Variants in CYRIB observed in about 807,000 individuals in gnomAD.
The protein encoded by CYRIB is CYFIP related Rac1 interactor B, also known as CYFIP-related Rac1 interactor B.
In CYRIB, 8 loss-of-function variants were observed where a neutral mutation model predicts 44.2. The ratio of observed to expected loss-of-function variants is 0.18; its 90% CI spans 0.11 to 0.33. The LOEUF (loss-of-function observed/expected upper bound fraction) is 0.33, where lower values mean the gene tolerates loss of function less well. CYRIB is among the 10% of genes least tolerant of loss of function. The pLI is 1.00. For synonymous variants in CYRIB, 131 were observed against 127.2 expected, an observed-to-expected ratio of 1.03 and a Z score of -0.20; for missense variants, 185 against 382.8, an observed-to-expected ratio of 0.48 and a Z score of 4.31.
chr8:130,007,826 T>C (rs900734114), intron 1 of CYRIB, among the ~76,000 whole-genome samples: 1 of 151,994 alleles, frequency 6.6e-6, no homozygotes, highest in African/African-American at 2.4e-5. Flanking sequence ...ACTTGCTCCA[T>C]GCTCCATAAA....
At chr8:129,931,893 C>T (rs2091518549) in intron 1 of CYRIB, among the ~76,000 whole-genome samples, 2 of 152,038 alleles carry the variant, frequency 1.3e-5, no homozygotes, top group Admixed American at 1.3e-4. Flanking sequence ...TCCCAAATTG[C>T]TGGGATTGCA....
intron 4 of CYRIB, among the ~76,000 whole-genome samples, chr8:129,864,268 T>C (rs990661506): frequency 1.3e-5 from 2 of 152,238 alleles, no homozygotes; most frequent in African/African-American, 2.4e-5. Context: ...CATTACAACA[T>C]GTAACAATCC....
At chr8:129,847,926 C>T (rs2041095430) in intron 10 of CYRIB, among the ~76,000 whole-genome samples, 1 of 152,148 alleles carries the variant, frequency 6.6e-6, no homozygotes, top group Non-Finnish European at 1.5e-5. Flanking sequence ...CTCAGCCTCC[C>T]GAGTAGCTGG....
At chr8:129,841,978 G>C (rs1394172015) in exon 12 of CYRIB, 5 of 600,858 alleles carry the variant, frequency 8.3e-6, no homozygotes, top group Non-Finnish European at 1.5e-5. Flanking sequence ...TTTTGGCACA[G>C]AAAAGAAGTC....
chr8:129,851,165 A>C, intron 8 of CYRIB: 6 of 453,542 alleles, frequency 1.3e-5, no homozygotes, highest in East Asian at 4.3e-5. Flanking sequence ...AACTGCAACA[A>C]TGCAGACAGG....
At chr8:129,921,944 T>C (rs989813678) in intron 1 of CYRIB, among the ~76,000 whole-genome samples, 1 of 152,150 alleles carries the variant, frequency 6.6e-6, no homozygotes, top group African/African-American at 2.4e-5. Flanking sequence ...AAGGCAATGA[T>C]GGATACAGAA....
intron 1 of CYRIB, among the ~76,000 whole-genome samples, chr8:129,978,065 C>G (rs1486355803): frequency 6.6e-6 from 1 of 152,126 alleles, no homozygotes; most frequent in Non-Finnish European, 1.5e-5. Context: ...GTTGTACAGG[C>G]GTGTGCCACC....
intron 1 of CYRIB, among the ~76,000 whole-genome samples, chr8:129,977,053 G>A (rs1169770277): frequency 6.6e-6 from 1 of 152,094 alleles, no homozygotes; most frequent in Non-Finnish European, 1.5e-5. Flanking sequence ...TGTTGGCCAG[G>A]CTGGTCTGGA....
At chr8:129,976,361 G>A (rs988591883) in intron 1 of CYRIB, among the ~76,000 whole-genome samples, 1 of 152,076 alleles carries the variant, frequency 6.6e-6, no homozygotes, top group Admixed American at 6.5e-5. Flanking sequence ...TAATAATAAT[G>A]GATATTCAGA....
At chr8:129,958,261 C>CTGGGCAG (rs141021946) in intron 2 of CYRIB, among the ~76,000 whole-genome samples, 6,191 of 152,270 alleles carry the variant, frequency 0.041, 149 homozygotes, top group Middle Eastern at 0.068. Flanking sequence ...AGCCTTTCCA[C>CTGGGCAG]TGGGCAGTGA....
intron 1 of CYRIB, among the ~76,000 whole-genome samples, chr8:129,924,734 A>G (rs1405768101): frequency 6.6e-6 from 1 of 152,112 alleles, no homozygotes; most frequent in East Asian, 1.9e-4. Flanking sequence ...TGGGAGGCTG[A>G]GACAGAGGAT....
rs555325581 is a variant in CYRIB, at chr8:130,007,604, G to A, written c.-296+8766C>T. ...GTTCGAGACCAGCCTGCCCAACATGGTGAAACCCTGTCGCTACTAAAAATA... is the reference window on the plus strand; with the variant it reads ...GTTCGAGACCAGCCTGCCCAACATGATGAAACCCTGTCGCTACTAAAAATA... On this transcript the variant is annotated intron_variant, in intron 1 of 14. Coordinates refer to the CYRIB transcript ENST00000401979. Among the ~76,000 whole-genome samples, 32 of 152,116 alleles carry A rather than the reference G, an allele frequency of 2.1e-4. No individual in the cohort carries two copies. In the South Asian group the frequency reaches 2.9e-3, roughly 14 times the overall value.
chr8:129,906,188 C>T (rs1159682410), intron 1 of CYRIB, among the ~76,000 whole-genome samples: 5 of 152,152 alleles, frequency 3.3e-5, no homozygotes, highest in Admixed American at 6.5e-5. Context: ...ATCACACTAC[C>T]TGACTTCAAA....
chr8:129,862,133 A>G, intron 5 of CYRIB, 96 bp downstream of exon 7: 1 of 863,344 alleles, frequency 1.2e-6, no homozygotes, highest in Non-Finnish European at 1.9e-6. Context: ...TACTAAGCCA[A>G]ATTCAGCATT....
At chr8:129,859,331 A>G (rs2047979728) in intron 5 of CYRIB, among the ~76,000 whole-genome samples, 1 of 152,206 alleles carries the variant, frequency 6.6e-6, no homozygotes, top group Non-Finnish European at 1.5e-5. Flanking sequence ...GATGGAACAT[A>G]AAGGCGGACT....
intron 4 of CYRIB, among the ~76,000 whole-genome samples, chr8:129,868,293 G>A (rs188056793): frequency 2.6e-5 from 4 of 152,106 alleles, no homozygotes; most frequent in East Asian, 3.9e-4. Context: ...ATTTGTCCCC[G>A]ATCTACAGTA....
At chr8:129,983,124 C>T (rs1170780816) in intron 1 of CYRIB, among the ~76,000 whole-genome samples, 3 of 151,796 alleles carry the variant, frequency 2.0e-5, no homozygotes, top group Non-Finnish European at 4.4e-5. Context: ...GCCTGGGCAA[C>T]ACTGCAAGAC....
At chr8:129,916,362 T>A (rs1307320578) in intron 1 of CYRIB, among the ~76,000 whole-genome samples, 2 of 152,096 alleles carry the variant, frequency 1.3e-5, no homozygotes, top group South Asian at 4.1e-4. Flanking sequence ...GTACCTAATA[T>A]TAGTCAAGCA....
intron 2 of CYRIB, among the ~76,000 whole-genome samples, chr8:129,897,246 A>T (rs996987839): frequency 2.6e-5 from 4 of 152,206 alleles, no homozygotes; most frequent in African/African-American, 9.7e-5. Flanking sequence ...CACTGCTTAA[A>T]TACTCTACAT....
Sources: gnomAD v4.1 joint callset for allele counts (sites outside exome capture counted in the v4.1 genomes callset) on GRCh38, gnomAD v4.1.1 for gene constraint, MANE v1.5 for transcripts, NCBI Gene and HGNC (gene_info 2026-07-23, HGNC 2026-07-21) for gene names.